Variants in PEAK1 observed in about 807,000 individuals in gnomAD.
PEAK1 encodes the protein pseudopodium enriched atypical kinase 1, also known as inactive tyrosine-protein kinase PEAK1.
PEAK1 carries 54 observed loss-of-function variants against 124.7 expected under a neutral mutation model. The ratio of observed to expected loss-of-function variants is 0.43; its 90% CI spans 0.35 to 0.54. The LOEUF is 0.54. PEAK1 is among the 20% of genes least tolerant of loss of function. The pLI is 0.01. For synonymous variants in PEAK1, 719 were observed against 760.0 expected (o/e 0.95, Z 0.89); for missense variants, 2,046 against 2,134.5 (o/e 0.96, Z 0.82).
At chr15:77,331,682 T>A (rs1308637388) in intron 2 of PEAK1, among the ~76,000 whole-genome samples, 1 of 152,024 alleles carries the variant, frequency 6.6e-6, no homozygotes, top group Non-Finnish European at 1.5e-5. Flanking sequence ...AGTGGCACGA[T>A]CTCAGCTCAC....
intron 5 of PEAK1, among the ~76,000 whole-genome samples, chr15:77,268,512 A>G (rs541703008): frequency 1.7e-4 from 26 of 151,898 alleles, no homozygotes; most frequent in South Asian, 4.1e-4. Flanking sequence ...GAAGTTTGAG[A>G]TTATGTTAAA....
At chr15:77,205,112 A>G in intron 6 of PEAK1, 1 of 268,150 alleles carries the variant, frequency 3.7e-6, no homozygotes, top group Non-Finnish European at 7.1e-6. Context: ...ATCTTATAAC[A>G]TGTCTTATCA....
intron 7 of PEAK1, among the ~76,000 whole-genome samples, chr15:77,160,458 A>G (rs1264924769): frequency 6.6e-6 from 1 of 152,082 alleles, no homozygotes; most frequent in African/African-American, 2.4e-5. Flanking sequence ...CGGGCGGATC[A>G]CGAGGTCAAG....
intron 2 of PEAK1, among the ~76,000 whole-genome samples, chr15:77,320,359 T>C (rs2065124303): frequency 6.6e-6 from 1 of 152,152 alleles, no homozygotes; most frequent in South Asian, 2.1e-4. Flanking sequence ...TCTCATATAT[T>C]TTATATCCCT....
chr15:77,368,029 CTGTT>C (rs1226830516), intron 1 of PEAK1, among the ~76,000 whole-genome samples: 2 of 152,100 alleles, frequency 1.3e-5, no homozygotes, highest in Non-Finnish European at 2.9e-5. Context: ...ACTATAAAAA[CTGTT>C]TGGATTCATG....
chr15:77,231,967 C>G (rs2059927558), intron 6 of PEAK1, among the ~76,000 whole-genome samples: 1 of 152,092 alleles, frequency 6.6e-6, no homozygotes, highest in South Asian at 2.1e-4. Context: ...AAACAAAACA[C>G]AGGTATTACT....
chr15:77,332,074 A>G, intron 2 of PEAK1: 1 of 563,958 alleles, frequency 1.8e-6, no homozygotes. Context: ...GTCTCTACTA[A>G]AAATACGCCA....
chr15:77,365,327 T>C, intron 1 of PEAK1, 102 bp from the exon 2 acceptor site: 2 of 338,400 alleles, frequency 5.9e-6, no homozygotes, highest in Non-Finnish European at 8.4e-6. Context: ...ATCATTTACC[T>C]CCTAAATTTT....
chr15:77,111,455 C>T lies in PEAK1; in HGVS notation c.*2701G>A, dbSNP rs533841039. The T allele has an allele frequency of 6.6e-6, 1 of 152,326 alleles. No individual in the cohort carries two copies. Among genetic ancestry groups the T allele is most frequent in the South Asian group, 2.1e-4 (1 of 4,820 alleles). 9.4% of individuals were successfully genotyped at this position (152,326 alleles called of 1,614,324 possible). A position where few individuals can be genotyped will look rare whatever the true frequency, so the allele number is the denominator to read the frequency against. On this transcript the variant is annotated 3_prime_UTR_variant, in exon 10 of 10. Transcript: ENST00000682557. Reference sequence around the variant, plus strand: ...TATTCTGCTCTAACCTGTAACACCCCCTTCCCTCTCTATCTCACATTCTTT... The same window carrying T: ...TATTCTGCTCTAACCTGTAACACCCTCTTCCCTCTCTATCTCACATTCTTT...
intron 9 of PEAK1, among the ~76,000 whole-genome samples, chr15:77,119,847 G>C (rs1446312): frequency 0.66 from 100,023 of 152,078 alleles, 33,851 homozygotes; most frequent in Non-Finnish European, 0.76. Flanking sequence ...TCAACCTAGA[G>C]AGCTAACTTC....
chr15:77,380,770 T>C lies in PEAK1; in HGVS notation c.-665-15545A>G, dbSNP rs56403330. Among the ~76,000 whole-genome samples, 1,097 of 152,280 alleles carry C rather than the reference T, an allele frequency of 7.2e-3. 14 individuals are homozygous for C. Among genetic ancestry groups the C allele is most frequent in the Non-Finnish European group, 1.0e-2 (678 of 68,006 alleles). On this transcript the variant is annotated intron_variant, in intron 1 of 9. Transcript: ENST00000682557. ...CAGGGACTACAGAAGTGAGCCACCA[T>C]GACTGGCCAAAAATCAGTTATTATG...
At chr15:77,226,044 GATATATATATATATATATATATAT>G (rs1157824212) in intron 6 of PEAK1, among the ~76,000 whole-genome samples, 40 of 44,988 alleles carry the variant, frequency 8.9e-4, no homozygotes, top group Admixed American at 3.0e-3. Flanking sequence ...AAAATAAAGG[GATATATATATATATATATATATAT>G]ATATATATAT....
rs1266205238 is a variant in PEAK1 at position 77,180,821 on chromosome 15, A to G, written c.1106T>C (p.Leu369Ser). Reference protein sequence around the residue: ...SLSQKICNGGLSPGNPGDSKD... With the variant: ...SLSQKICNGGSSPGNPGDSKD... ...AGAATCTCCTGGGTTACCAGGAGATAATCCCCCATTACAAATCTTCTGGGA... is the reference window on the plus strand; with the variant it reads ...AGAATCTCCTGGGTTACCAGGAGATGATCCCCCATTACAAATCTTCTGGGA... Residue 369 changes from leucine (L) to serine (S), a missense_variant, in exon 7 of 10, where the codon TTA (leucine) becomes TCA (serine). Physicochemically the swap from Leu to Ser is moderately radical, Grantham distance 145 (BLOSUM62 -2). Transcript: ENST00000682557. 1 of 1,613,988 alleles carries G rather than the reference A, an allele frequency of 6.2e-7. No individual in the cohort carries two copies. The highest frequency in any genetic ancestry group is 1.1e-5 in the South Asian group (1 of 91,068).
chr15:77,179,385 T>A lies in PEAK1; in HGVS notation c.2542A>T (p.Ile848Leu). ...PTTKVQKDPS[I>L]KPVTPSPSKL... ...GAGGGAGAGGGGGTGACTGGCTTTA[T>A]GGATGGGTCTTTCTGTACTTTGGTG... The change falls in exon 7 of 10, where the codon ATA becomes TTA. Residue 848 changes from isoleucine to leucine, a missense_variant. Physicochemically the swap from Ile to Leu is conservative, Grantham distance 5. Transcript: ENST00000682557. 1 of 1,614,060 alleles carries A rather than the reference T, an allele frequency of 6.2e-7. No individual in the cohort carries two copies. Among genetic ancestry groups the A allele is most frequent in the Non-Finnish European group, 8.5e-7 (1 of 1,179,994 alleles).
chr15:77,308,131 A>G (rs960192884), intron 2 of PEAK1, among the ~76,000 whole-genome samples: 5 of 152,122 alleles, frequency 3.3e-5, no homozygotes, highest in Non-Finnish European at 7.4e-5. Context: ...GATATTCAAC[A>G]GAATAAATAT....
At chr15:77,341,838 T>G (rs1436825967) in intron 2 of PEAK1, among the ~76,000 whole-genome samples, 1 of 152,188 alleles carries the variant, frequency 6.6e-6, no homozygotes, top group Admixed American at 6.5e-5. Context: ...ACCACAAGCA[T>G]ATTAATGCAA....
chr15:77,188,515 C>G (rs1196196170), intron 6 of PEAK1, among the ~76,000 whole-genome samples: 1 of 152,150 alleles, frequency 6.6e-6, no homozygotes, highest in Non-Finnish European at 1.5e-5. Context: ...CCACTTTAGA[C>G]CCCTATTTAA....
chr15:77,401,415 G>C, intron 1 of PEAK1: 1 of 751,414 alleles, frequency 1.3e-6, no homozygotes, highest in Non-Finnish European at 1.6e-6. Context: ...ACTTTTTCTT[G>C]TTCTTTCAAC....
intron 6 of PEAK1, among the ~76,000 whole-genome samples, chr15:77,193,538 C>A (rs997818740): frequency 3.3e-5 from 5 of 152,186 alleles, no homozygotes; most frequent in Non-Finnish European, 7.3e-5. Flanking sequence ...AATGTCCTTT[C>A]CGCAATTACC....
Sources: gnomAD v4.1 joint callset for allele counts (sites outside exome capture counted in the v4.1 genomes callset) on GRCh38, gnomAD v4.1.1 for gene constraint, MANE v1.5 for transcripts, NCBI Gene and HGNC (gene_info 2026-07-23, HGNC 2026-07-21) for gene names.